NRXN3: variants seen among roughly 807,000 people sequenced by gnomAD.
The protein encoded by NRXN3 is neurexin 3.
A neutral mutation model predicts 137.6 loss-of-function variants in NRXN3; 32 were observed. That is an observed-to-expected ratio of 0.23 (90% CI 0.18 to 0.31). NRXN3 has a LOEUF of 0.31. Ranked by LOEUF, NRXN3 falls within the 10% of genes least tolerant of loss-of-function variation. The probability of loss-of-function intolerance (pLI) is 1.00; values close to 1 mark genes in which losing one functional copy is unlikely to be tolerated. For missense variants in NRXN3, 1,574 were observed against 2,062.5 expected, an observed-to-expected ratio of 0.76 and a Z score of 4.59; for synonymous variants, 798 against 784.5, an observed-to-expected ratio of 1.02 and a Z score of -0.29.
chr14:78,810,759 C>T (rs926373794), intron 10 of NRXN3, among the ~76,000 whole-genome samples: 8 of 152,206 alleles, frequency 5.3e-5, no homozygotes, highest in Admixed American at 6.5e-5. Context: ...TGTTCTTGAC[C>T]CACAGGTGGC....
chr14:79,595,770 C>T (rs1482873086), intron 16 of NRXN3, among the ~76,000 whole-genome samples: 4 of 152,092 alleles, frequency 2.6e-5, no homozygotes, highest in Non-Finnish European at 5.9e-5. Context: ...TACATTATTA[C>T]AATTAATTTA....
chr14:78,730,326 C>T (rs1362209982), intron 8 of NRXN3, among the ~76,000 whole-genome samples: 1 of 152,184 alleles, frequency 6.6e-6, no homozygotes, highest in Non-Finnish European at 1.5e-5. Flanking sequence ...TTCCCCCTCA[C>T]TCCCTTTTTA....
intron 19 of NRXN3, among the ~76,000 whole-genome samples, chr14:79,758,752 T>A (rs2099028533): frequency 6.6e-6 from 1 of 152,168 alleles, no homozygotes; most frequent in South Asian, 2.1e-4. Flanking sequence ...TAGTAGAAGG[T>A]AAACTGATTA....
At chr14:79,356,748 A>G (rs1167960952) in intron 15 of NRXN3, among the ~76,000 whole-genome samples, 2 of 151,802 alleles carry the variant, frequency 1.3e-5, no homozygotes, top group African/African-American at 4.8e-5. Flanking sequence ...TTTTTTTTGA[A>G]ATGGAGTCTG....
At chr14:78,236,680 AT>A (rs1363633110) in intron 1 of NRXN3, among the ~76,000 whole-genome samples, 1 of 151,982 alleles carries the variant, frequency 6.6e-6, no homozygotes, top group African/African-American at 2.4e-5. Flanking sequence ...ATTTTTATAA[AT>A]TTTTAAATTT....
At chr14:79,305,436 T>C (rs545112187) in intron 15 of NRXN3, among the ~76,000 whole-genome samples, 2 of 152,176 alleles carry the variant, frequency 1.3e-5, no homozygotes, top group South Asian at 2.1e-4. Context: ...TGGGAACTTA[T>C]TGACTAACAC....
intron 15 of NRXN3, among the ~76,000 whole-genome samples, chr14:79,001,329 C>T (rs2099540970): frequency 2.6e-5 from 4 of 152,186 alleles, no homozygotes; most frequent in Non-Finnish European, 5.9e-5. Flanking sequence ...TCCTGTCATT[C>T]CTCTGCTCGT....
At chr14:79,062,486 A>G (rs1001255489) in intron 15 of NRXN3, among the ~76,000 whole-genome samples, 1 of 152,168 alleles carries the variant, frequency 6.6e-6, no homozygotes, top group Non-Finnish European at 1.5e-5. Context: ...GCCCCCCAGA[A>G]TGGTATTAAT....
chr14:78,208,929 TA>T (rs1242655789), intron 1 of NRXN3, among the ~76,000 whole-genome samples: 3 of 152,224 alleles, frequency 2.0e-5, no homozygotes, highest in Non-Finnish European at 2.9e-5. Context: ...CTAAGCTTTA[TA>T]ATCCCAGTAT....
chr14:79,722,840 A>C (rs2098849808), intron 19 of NRXN3, among the ~76,000 whole-genome samples: 1 of 152,176 alleles, frequency 6.6e-6, no homozygotes, highest in African/African-American at 2.4e-5. Context: ...TAAATGGTAG[A>C]TGGATAGATG....
intron 4 of NRXN3, among the ~76,000 whole-genome samples, chr14:78,555,163 G>T (rs1016853147): frequency 1.3e-5 from 2 of 152,112 alleles, no homozygotes; most frequent in Non-Finnish European, 2.9e-5. Flanking sequence ...GTTATAAAGA[G>T]GTTAGTACTG....
chr14:79,579,467 G>A (rs2153808800), intron 16 of NRXN3, among the ~76,000 whole-genome samples: 1 of 151,420 alleles, frequency 6.6e-6, no homozygotes, highest in South Asian at 2.1e-4. Context: ...AATGCATGTA[G>A]CCAATCTATG....
At chr14:79,631,756 A>G (rs950870391) in intron 16 of NRXN3, among the ~76,000 whole-genome samples, 16 of 151,856 alleles carry the variant, frequency 1.1e-4, no homozygotes, top group Admixed American at 9.8e-4. Context: ...AAACGCACCA[A>G]TCAGCACTCT....
At chr14:79,684,617 G>A (rs1200029035) in intron 17 of NRXN3, among the ~76,000 whole-genome samples, 3 of 152,150 alleles carry the variant, frequency 2.0e-5, no homozygotes, top group Non-Finnish European at 4.4e-5. Flanking sequence ...GGATGACAAT[G>A]TTCCTGTGTT....
chr14:79,161,926 A>T (rs943783032), intron 15 of NRXN3, among the ~76,000 whole-genome samples: 3 of 151,900 alleles, frequency 2.0e-5, no homozygotes, highest in Non-Finnish European at 4.4e-5. Context: ...GAGTAGAAAC[A>T]AGTGGTAAAG....
intron 1 of NRXN3, among the ~76,000 whole-genome samples, chr14:78,235,014 ATATATATATGTGTATATATATATG>A (rs2066042817): frequency 2.1e-5 from 2 of 96,250 alleles, no homozygotes; most frequent in East Asian, 3.1e-4. Context: ...ATATATATAT[ATATATATATGTGTATATATATATG>A]TGTGTGTGTG....
intron 6 of NRXN3, among the ~76,000 whole-genome samples, chr14:78,664,552 G>A (rs564195452): frequency 1.4e-4 from 22 of 152,242 alleles, no homozygotes; most frequent in Admixed American, 5.2e-4. Flanking sequence ...CTACTTCATG[G>A]TTACTCTTTA....
chr14:78,748,621 A>AC (rs1254011044), intron 8 of NRXN3, among the ~76,000 whole-genome samples: 1 of 152,186 alleles, frequency 6.6e-6, no homozygotes. Flanking sequence ...AAAGGAGCCA[A>AC]CCTAGACTCA....
chr14:79,656,173 T>G (rs1056393166), intron 16 of NRXN3, among the ~76,000 whole-genome samples: 4 of 152,208 alleles, frequency 2.6e-5, no homozygotes, highest in African/African-American at 9.6e-5. Context: ...GGTTTCTTTA[T>G]GAAGACCGCT....
Sources: gnomAD v4.1 joint callset for allele counts (sites outside exome capture counted in the v4.1 genomes callset) on GRCh38, gnomAD v4.1.1 for gene constraint, MANE v1.5 for transcripts, NCBI Gene and HGNC (gene_info 2026-07-23, HGNC 2026-07-21) for gene names.